KCNQ3: variants seen among roughly 807,000 people sequenced by gnomAD.
KCNQ3 encodes potassium voltage-gated channel subfamily KQT member 3.
A neutral mutation model predicts 92.5 loss-of-function variants in KCNQ3; 30 were observed. The ratio of observed to expected loss-of-function variants is 0.32; its 90% CI spans 0.24 to 0.44. The LOEUF (loss-of-function observed/expected upper bound fraction) is 0.44. Among genes scored for constraint, KCNQ3 ranks in the 20% least tolerant of loss-of-function variants. The pLI is 1.00. For synonymous variants in KCNQ3, 450 were observed against 468.8 expected (o/e 0.96, Z 0.52); for missense variants, 913 against 1,140.3 (o/e 0.80, Z 2.87).
intron 1 of KCNQ3, among the ~76,000 whole-genome samples, chr8:132,454,813 G>T (rs1192759708): frequency 6.6e-6 from 1 of 152,162 alleles, no homozygotes; most frequent in Non-Finnish European, 1.5e-5. Flanking sequence ...ATGAACAAAT[G>T]ACATATACAC....
At chr8:132,417,708 C>A (rs7011568) in intron 1 of KCNQ3, among the ~76,000 whole-genome samples, 2,599 of 152,192 alleles carry the variant, frequency 0.017, 70 homozygotes, top group African/African-American at 0.059. Context: ...TCATTCATTC[C>A]AGGCATGGCA....
intron 1 of KCNQ3, among the ~76,000 whole-genome samples, chr8:132,306,982 A>G (rs1198490724): frequency 2.6e-5 from 4 of 152,338 alleles, no homozygotes; most frequent in Non-Finnish European, 4.4e-5. Flanking sequence ...GGCTAGTGAC[A>G]TTAATTTAAT....
At chr8:132,330,153 G>A (rs1818187674) in intron 1 of KCNQ3, among the ~76,000 whole-genome samples, 1 of 152,186 alleles carries the variant, frequency 6.6e-6, no homozygotes, top group Non-Finnish European at 1.5e-5. Context: ...AAGATGGAGT[G>A]GAGACTGCAG....
intron 1 of KCNQ3, among the ~76,000 whole-genome samples, chr8:132,310,954 T>C (rs1194670393): frequency 6.6e-6 from 1 of 151,844 alleles, no homozygotes; most frequent in Non-Finnish European, 1.5e-5. Context: ...TTTCTTTTTT[T>C]TTTTTGAGAT....
At position 132,129,238 on chromosome 8, in the gene KCNQ3, G is replaced by T; in HGVS notation, c.*24C>A. 6.2e-7 allele frequency: 1 copy of T among 1,605,140 alleles called. No homozygotes were observed. Among genetic ancestry groups the T allele is most frequent in the Non-Finnish European group, 8.5e-7 (1 of 1,179,536 alleles). ...TATACAAAGTCTGTCTACATTACAAGGAGGGGTCAGCCAGTGACCTCTTTT... is the reference window on the plus strand; with the variant it reads ...TATACAAAGTCTGTCTACATTACAATGAGGGGTCAGCCAGTGACCTCTTTT... On this transcript the variant is annotated 3_prime_UTR_variant, in exon 15 of 15. Transcript: ENST00000388996. The surrounding 1 kb of genome is among the most constrained non-coding windows in gnomAD (Gnocchi z 5.9).
At chr8:132,294,615 A>G (rs1297803347) in intron 1 of KCNQ3, among the ~76,000 whole-genome samples, 3 of 152,164 alleles carry the variant, frequency 2.0e-5, no homozygotes, top group Admixed American at 2.0e-4. Flanking sequence ...ACGTTTGGTG[A>G]GATACTCTGT....
chr8:132,283,912 A>T (rs1156618430), intron 1 of KCNQ3, among the ~76,000 whole-genome samples: 1 of 152,178 alleles, frequency 6.6e-6, no homozygotes, highest in Non-Finnish European at 1.5e-5. Context: ...TATTCATTCA[A>T]TTGAAACAAA....
intron 1 of KCNQ3, among the ~76,000 whole-genome samples, chr8:132,277,703 C>G (rs1213832965): frequency 2.0e-5 from 3 of 152,120 alleles, no homozygotes; most frequent in African/African-American, 7.2e-5. Flanking sequence ...CTCGCAGATG[C>G]TGGAGTTGGA....
At position 132,208,084 on chromosome 8, in the gene KCNQ3, C is replaced by G. The variant is rs1240466933; in HGVS notation, c.387-21903G>C. 2.6e-5 allele frequency among the ~76,000 whole-genome samples: 4 copies of G among 152,058 alleles called. No individual in the cohort carries two copies. The East Asian group carries it at 7.7e-4, about 29-fold the overall frequency. On this transcript the variant is annotated intron_variant, in intron 1 of 14. Coordinates refer to ENST00000388996, the MANE Select transcript of KCNQ3 (RefSeq NM_004519.4). ...GCTCCATGTTCATCTCTAAATGCTCCTGGATTTTATATTTACTTTCACAGT... is the reference window on the plus strand; with the variant it reads ...GCTCCATGTTCATCTCTAAATGCTCGTGGATTTTATATTTACTTTCACAGT...
rs1307290147 is a variant in KCNQ3 at position 132,278,176 on chromosome 8, G to C, written c.387-91995C>G. Reference sequence around the variant, plus strand: ...CTCTGGAAATTTACAACCCAGAGATGTCATGTAAATTGGTTTCACATAGGA... The same window carrying C: ...CTCTGGAAATTTACAACCCAGAGATCTCATGTAAATTGGTTTCACATAGGA... On this transcript the variant is annotated intron_variant, in intron 1 of 14. Coordinates refer to ENST00000388996, the MANE Select transcript of KCNQ3 (RefSeq NM_004519.4). The C allele has an allele frequency of 4.1e-6, 4 of 985,218 alleles. 1 individual carries two copies. In the African/African-American group the frequency reaches 7.0e-5, roughly 17 times the overall value. The allele number at this position is 985,218 out of a possible 1,614,324, so 61.0% of individuals were successfully genotyped here. A position where few individuals can be genotyped will look rare whatever the true frequency, so the allele number is the denominator to read the frequency against.
At chr8:132,345,144 G>C (rs1378987406) in intron 1 of KCNQ3, among the ~76,000 whole-genome samples, 1 of 152,150 alleles carries the variant, frequency 6.6e-6, no homozygotes, top group Non-Finnish European at 1.5e-5. Flanking sequence ...TTATGACTCT[G>C]ATGAAATTTA....
intron 6 of KCNQ3, 152 bp from the exon 7 acceptor site, chr8:132,172,845 C>T: frequency 1.5e-6 from 1 of 684,366 alleles, no homozygotes; most frequent in Non-Finnish European, 2.7e-6. Flanking sequence ...GGGAAAGAGC[C>T]CTTCCTTCTC....
At chr8:132,137,687 G>A (rs1369227921) in intron 12 of KCNQ3, among the ~76,000 whole-genome samples, 198 bp downstream of exon 12, 3 of 152,164 alleles carry the variant, frequency 2.0e-5, no homozygotes, top group African/African-American at 7.2e-5. Flanking sequence ...CCTTGGCCAT[G>A]GCAATGTCAT....
intron 1 of KCNQ3, among the ~76,000 whole-genome samples, chr8:132,337,501 C>CAAAACA (rs1203077713): frequency 4.0e-5 from 6 of 151,694 alleles, no homozygotes; most frequent in Non-Finnish European, 7.4e-5. Context: ...AAGACCTTGT[C>CAAAACA]AAAACAAAAA....
chr8:132,368,405 C>T (rs1048233874), intron 1 of KCNQ3, among the ~76,000 whole-genome samples: 4 of 152,120 alleles, frequency 2.6e-5, no homozygotes, highest in African/African-American at 9.7e-5. Context: ...GTAATCCCAG[C>T]ACTTGAGGAA....
intron 1 of KCNQ3, among the ~76,000 whole-genome samples, chr8:132,269,835 T>C (rs951973200): frequency 2.0e-5 from 3 of 152,192 alleles, no homozygotes; most frequent in African/African-American, 7.2e-5. Context: ...CCAGACTTTG[T>C]TCAAGAGCTG....
At chr8:132,199,910 C>CA (rs66931252) in intron 1 of KCNQ3, among the ~76,000 whole-genome samples, 7,173 of 101,684 alleles carry the variant, frequency 0.071, 216 homozygotes, top group Middle Eastern at 0.11. Flanking sequence ...ACTCAGTCTC[C>CA]AAAAAAAAAA....
chr8:132,415,234 C>A (rs1820764265), intron 1 of KCNQ3, among the ~76,000 whole-genome samples: 1 of 152,356 alleles, frequency 6.6e-6, no homozygotes, highest in Admixed American at 6.5e-5. Context: ...CCTCCCAGGT[C>A]TGCTCCTCAG....
intron 1 of KCNQ3, among the ~76,000 whole-genome samples, chr8:132,426,605 A>AT (rs1821119158): frequency 6.6e-6 from 1 of 152,210 alleles, no homozygotes. Flanking sequence ...CCCATATCCC[A>AT]TAACTGTAGG....
Sources: gnomAD v4.1 joint callset for allele counts (sites outside exome capture counted in the v4.1 genomes callset) on GRCh38, gnomAD v4.1.1 for gene constraint, Gnocchi (gnomAD v3.1) non-coding constraint, MANE v1.5 for transcripts, NCBI Gene and HGNC (gene_info 2026-07-23, HGNC 2026-07-21) for gene names.